Variants in OTUD7A observed in about 807,000 individuals in gnomAD.
The protein encoded by OTUD7A is OTU deubiquitinase 7A, also known as OTU domain-containing protein 7A.
A neutral mutation model predicts 65.7 loss-of-function variants in OTUD7A; 12 were observed. That is an observed-to-expected ratio of 0.18 (90% CI 0.12 to 0.30). The LOEUF is 0.30. Ranked by LOEUF, OTUD7A falls within the 10% of genes least tolerant of loss-of-function variation. The probability of loss-of-function intolerance (pLI) is 1.00; values close to 1 mark genes in which losing one functional copy is unlikely to be tolerated. For synonymous variants in OTUD7A, 641 were observed against 586.3 expected (o/e 1.09, Z -1.35); for missense variants, 1,148 against 1,304.8 (o/e 0.88, Z 1.85).
chr15:31,579,305 C>T (rs962717680), intron 3 of OTUD7A, among the ~76,000 whole-genome samples: 1 of 152,208 alleles, frequency 6.6e-6, no homozygotes, highest in Non-Finnish European at 1.5e-5. Context: ...CAGGAACTTT[C>T]ACCTTTTCAC....
At chr15:31,669,480 C>G (rs1410281835) in intron 1 of OTUD7A, among the ~76,000 whole-genome samples, 1 of 152,196 alleles carries the variant, frequency 6.6e-6, no homozygotes, top group Non-Finnish European at 1.5e-5. Flanking sequence ...GTCCGAAGGG[C>G]CGGTCTTCTC....
chr15:31,666,023 AT>A (rs71113413), intron 1 of OTUD7A, among the ~76,000 whole-genome samples: 133 of 147,320 alleles, frequency 9.0e-4, no homozygotes, highest in African/African-American at 2.1e-3. Context: ...ATCATGGTGG[AT>A]TTTTTTTTTT....
chr15:31,526,328 G>A (rs371876196), intron 8 of OTUD7A, 21 bp downstream of exon 8: 6 of 1,565,496 alleles, frequency 3.8e-6, no homozygotes, highest in African/African-American at 2.7e-5. Context: ...GACTTCTGGG[G>A]AGAGCAGGGG....
chr15:31,679,137 G>A (rs1232198460), intron 1 of OTUD7A, among the ~76,000 whole-genome samples: 1 of 152,150 alleles, frequency 6.6e-6, no homozygotes, highest in Admixed American at 6.5e-5. Flanking sequence ...CAGCCCCTTT[G>A]TTTTGGCTAA....
intron 3 of OTUD7A, among the ~76,000 whole-genome samples, chr15:31,614,292 C>T (rs1890519903): frequency 6.8e-6 from 1 of 146,230 alleles, no homozygotes; most frequent in African/African-American, 2.6e-5. Context: ...CCCCAATAAC[C>T]TATGGAAAAA....
chr15:31,574,637 A>G (rs1312580910), intron 3 of OTUD7A, among the ~76,000 whole-genome samples: 1 of 152,242 alleles, frequency 6.6e-6, no homozygotes, highest in African/African-American at 2.4e-5. Flanking sequence ...AAACTGTTCA[A>G]TTGGCAATGA....
intron 3 of OTUD7A, among the ~76,000 whole-genome samples, chr15:31,635,299 C>G (rs1262837351): frequency 1.3e-5 from 2 of 152,214 alleles, no homozygotes; most frequent in Non-Finnish European, 2.9e-5. Context: ...CTCCTGGGAC[C>G]TACAGGTCAC....
At chr15:31,535,668 GTTT>G (rs1285943338) in intron 5 of OTUD7A, among the ~76,000 whole-genome samples, 1 of 128,898 alleles carries the variant, frequency 7.8e-6, no homozygotes, top group Non-Finnish European at 1.6e-5. Context: ...CTTGGGTTCT[GTTT>G]TTGTTTTTTT....
intron 3 of OTUD7A, among the ~76,000 whole-genome samples, chr15:31,625,384 T>C (rs540489882): frequency 6.4e-4 from 96 of 149,646 alleles, no homozygotes; most frequent in African/African-American, 2.3e-3. Flanking sequence ...CACCACAATA[T>C]CAGACTTCGA....
chr15:31,842,967 C>T (rs1456370219), intron 1 of OTUD7A, among the ~76,000 whole-genome samples: 1 of 152,128 alleles, frequency 6.6e-6, no homozygotes, highest in Non-Finnish European at 1.5e-5. Flanking sequence ...CGAGAAACTG[C>T]TGTGCACAAG....
At chr15:31,805,273 G>A (rs765858459) in intron 1 of OTUD7A, among the ~76,000 whole-genome samples, 3 of 152,246 alleles carry the variant, frequency 2.0e-5, no homozygotes, top group African/African-American at 4.8e-5. Context: ...AAAGGCAGGT[G>A]TAACCAACCT....
At chr15:31,590,101 G>C (rs1889675130) in intron 3 of OTUD7A, among the ~76,000 whole-genome samples, 1 of 152,158 alleles carries the variant, frequency 6.6e-6, no homozygotes, top group African/African-American at 2.4e-5. Context: ...GAGTATAGTG[G>C]AGCTGAAAAA....
intron 1 of OTUD7A, among the ~76,000 whole-genome samples, chr15:31,784,191 T>C (rs1895612708): frequency 6.6e-6 from 1 of 152,220 alleles, no homozygotes; most frequent in Admixed American, 6.5e-5. Flanking sequence ...CCAATGTGGC[T>C]TCAGATTCCA....
At position 31,484,424 on chromosome 15, in the gene OTUD7A, C is replaced by T. The variant is rs767816101; in HGVS notation, c.1672G>A (p.Gly558Ser). The change falls in exon 13 of 13, where the codon GGC (glycine) becomes AGC (serine). Residue 558 changes from glycine to serine, a missense_variant. Physicochemically the swap from Gly to Ser is moderately conservative, Grantham distance 56 (BLOSUM62 0). Transcript: ENST00000307050. This position sits in a 1 kb window ranked among gnomAD's most constrained non-coding sequence, Gnocchi z 4.5. ...GKMGRANSAN[G>S]KNGDSAERGK... ...CGCTCGGCCGAGTCCCCGTTCTTGC[C>T]ATTGGCGGAGTTGGCGCGGCCCATC... The T allele has an allele frequency of 6.2e-7, 1 of 1,602,862 alleles. No individual in the cohort carries two copies. The highest frequency in any genetic ancestry group is 1.1e-5 in the South Asian group (1 of 91,072).
chr15:31,737,352 G>A (rs1395347631), intron 1 of OTUD7A, among the ~76,000 whole-genome samples: 1 of 152,064 alleles, frequency 6.6e-6, no homozygotes, highest in Admixed American at 6.6e-5. Flanking sequence ...ACACGAACAA[G>A]CGGTTTACAG....
At chr15:31,606,083 G>C (rs1371926342) in intron 3 of OTUD7A, among the ~76,000 whole-genome samples, 1 of 152,202 alleles carries the variant, frequency 6.6e-6, no homozygotes, top group African/African-American at 2.4e-5. Context: ...CAATGTCTCT[G>C]GTTTGGATCC....
intron 3 of OTUD7A, among the ~76,000 whole-genome samples, chr15:31,589,380 A>G (rs1889648676): frequency 6.7e-6 from 1 of 149,084 alleles, no homozygotes; most frequent in Non-Finnish European, 1.5e-5. Context: ...GCTCACTGCA[A>G]CCTCTGCCTC....
chr15:31,688,430 C>A lies in OTUD7A; in HGVS notation c.-99-31353G>T, dbSNP rs964925809. Among the ~76,000 whole-genome samples, 5 of 151,854 alleles carry A rather than the reference C, an allele frequency of 3.3e-5. No homozygotes were observed. In the South Asian group the frequency reaches 6.3e-4, roughly 19 times the overall value. ...ACAAGTGGCTCAGACTCTTCAAAGACGTCAACATCACGAAAGAGAAAAACG... is the reference window on the plus strand; with the variant it reads ...ACAAGTGGCTCAGACTCTTCAAAGAAGTCAACATCACGAAAGAGAAAAACG... On this transcript the variant is annotated intron_variant, in intron 1 of 12. Transcript: ENST00000307050.
chr15:31,751,866 A>G (rs1225087403), intron 1 of OTUD7A, among the ~76,000 whole-genome samples: 2 of 152,264 alleles, frequency 1.3e-5, no homozygotes, highest in Non-Finnish European at 2.9e-5. Context: ...ACATAAAGAC[A>G]GGAATAACAG....
Sources: gnomAD v4.1 joint callset for allele counts (sites outside exome capture counted in the v4.1 genomes callset) on GRCh38, gnomAD v4.1.1 for gene constraint, Gnocchi (gnomAD v3.1) non-coding constraint, MANE v1.5 for transcripts, NCBI Gene and HGNC (gene_info 2026-07-23, HGNC 2026-07-21) for gene names.